The following ROBO2 variants were observed in gnomAD, a reference collection of about 807,000 sequenced individuals.
ROBO2 encodes the protein roundabout homolog 2.
In ROBO2, 53 loss-of-function variants were observed where a neutral mutation model predicts 160.8. That is an observed-to-expected ratio of 0.33 (90% confidence interval 0.26 to 0.41). The LOEUF (loss-of-function observed/expected upper bound fraction) is 0.41, where lower values mean the gene tolerates loss of function less well. Ranked by LOEUF, ROBO2 falls within the 10% of genes least tolerant of loss-of-function variation. The pLI is 1.00. For missense variants in ROBO2, 1,577 were observed against 1,722.4 expected (o/e 0.92, Z 1.49); for synonymous variants, 664 against 611.7 (o/e 1.09, Z -1.26).
rs559942306 is a variant in ROBO2 at position 76,967,036 on chromosome 3, G to A, written c.110-130978G>A. Among the ~76,000 whole-genome samples, 15 of 152,140 alleles carry A rather than the reference G, an allele frequency of 9.9e-5. 1 individual carries two copies. Among genetic ancestry groups the A allele is most frequent in the African/African-American group, 2.7e-4 (11 of 41,498 alleles). On this transcript the variant is annotated intron_variant, in intron 2 of 26. Coordinates refer to the ROBO2 transcript ENST00000487694. ...GCATCTATCGCAGGCCAGAGAGTTC[G>A]CTGGGCATATTGTATACAATCCCTC...
intron 2 of ROBO2, among the ~76,000 whole-genome samples, chr3:76,793,613 T>C (rs1442013160): frequency 1.3e-5 from 2 of 151,920 alleles, no homozygotes; most frequent in African/African-American, 4.8e-5. Flanking sequence ...TTTATTATTA[T>C]TATACTGTAA....
intron 2 of ROBO2, among the ~76,000 whole-genome samples, chr3:76,197,558 A>G (rs961245234): frequency 6.6e-6 from 1 of 152,130 alleles, no homozygotes; most frequent in African/African-American, 2.4e-5. Flanking sequence ...TTAGATTTGG[A>G]TCTGGGACTG....
intron 1 of ROBO2, among the ~76,000 whole-genome samples, chr3:77,084,584 C>T (rs1578824778): frequency 6.6e-6 from 1 of 152,008 alleles, no homozygotes; most frequent in African/African-American, 2.4e-5. Context: ...CATTGCATTT[C>T]GAGAGTGGCT....
At chr3:76,743,531 C>T (rs1216764265) in intron 2 of ROBO2, among the ~76,000 whole-genome samples, 1 of 151,924 alleles carries the variant, frequency 6.6e-6, no homozygotes, top group South Asian at 2.1e-4. Flanking sequence ...CAACTATAGA[C>T]ATATTTTTAA....
intron 2 of ROBO2, among the ~76,000 whole-genome samples, chr3:76,403,446 A>G (rs2077960928): frequency 6.6e-6 from 1 of 151,754 alleles, no homozygotes; most frequent in South Asian, 2.1e-4. Context: ...ATTCTGAACA[A>G]TAAAGACAGG....
At chr3:77,286,475 C>T (rs182452970) in intron 2 of ROBO2, among the ~76,000 whole-genome samples, 111 of 152,098 alleles carry the variant, frequency 7.3e-4, no homozygotes, top group Non-Finnish European at 1.3e-3. Flanking sequence ...AGGCTGGTCT[C>T]GAATTCCTGA....
chr3:75,969,972 G>T (rs185035651), intron 2 of ROBO2, among the ~76,000 whole-genome samples: 35 of 151,614 alleles, frequency 2.3e-4, no homozygotes, highest in African/African-American at 8.4e-4. Context: ...CCAATATCAA[G>T]GAGTTGTTTT....
chr3:77,497,991 T>TA lies in ROBO2; in HGVS notation c.806+4617dup, dbSNP rs201591667. On this transcript the variant is annotated intron_variant, in intron 5 of 25. Transcript: ENST00000461745. ...TTCAATTTAATATTAATGAGAATTTTAAAAAAAATCCCTCTCAGAACTTGG... is the reference window on the plus strand; with the variant it reads ...TTCAATTTAATATTAATGAGAATTTTAAAAAAAAATCCCTCTCAGAACTTGG... 5.4e-3 allele frequency among the ~76,000 whole-genome samples: 814 copies of TA among 152,002 alleles called. 4 individuals are homozygous for TA. The highest frequency in any genetic ancestry group is 9.5e-3 in the Non-Finnish European group (642 of 67,916).
At position 76,046,515 on chromosome 3, in the gene ROBO2, G is replaced by T. The variant is rs1335068397; in HGVS notation, c.109+108913G>T. ...ATACAAAAAATTAGCCGGGCGTGGT[G>T]GCAGCGCCTGCAGTCCCAGCTACTC... On this transcript the variant is annotated intron_variant, in intron 2 of 26. Coordinates refer to the ROBO2 transcript ENST00000487694. Among the ~76,000 whole-genome samples, 4 of 151,082 alleles carry T rather than the reference G, an allele frequency of 2.6e-5. No individual in the cohort carries two copies. In the South Asian group the frequency reaches 8.3e-4, roughly 31 times the overall value.
chr3:76,141,574 A>G (rs1299135013), intron 2 of ROBO2, among the ~76,000 whole-genome samples: 1 of 151,904 alleles, frequency 6.6e-6, no homozygotes, highest in Admixed American at 6.6e-5. Context: ...AAGCAAGTTA[A>G]GTTATATCCA....
intron 2 of ROBO2, among the ~76,000 whole-genome samples, chr3:76,674,064 A>C (rs2092341490): frequency 6.6e-6 from 1 of 152,060 alleles, no homozygotes; most frequent in South Asian, 2.1e-4. Flanking sequence ...ATTGTCATTC[A>C]TTTTATATAT....
At chr3:76,609,840 T>C (rs2087949090) in intron 2 of ROBO2, among the ~76,000 whole-genome samples, 1 of 152,232 alleles carries the variant, frequency 6.6e-6, no homozygotes, top group South Asian at 2.1e-4. Context: ...TTCAGTATGA[T>C]ACTAGCTGTG....
chr3:76,939,486 A>G (rs912862149), intron 2 of ROBO2, among the ~76,000 whole-genome samples: 1 of 152,168 alleles, frequency 6.6e-6, no homozygotes, highest in African/African-American at 2.4e-5. Context: ...AACAAAAAGC[A>G]GAGGTTTAAA....
intron 2 of ROBO2, among the ~76,000 whole-genome samples, chr3:77,430,142 G>C (rs764419715): frequency 6.6e-6 from 1 of 152,128 alleles, no homozygotes; most frequent in South Asian, 2.1e-4. Flanking sequence ...GATTTTTGGA[G>C]GATGAGGGCA....
At chr3:76,788,287 C>G (rs761893408) in intron 2 of ROBO2, among the ~76,000 whole-genome samples, 8 of 151,446 alleles carry the variant, frequency 5.3e-5, no homozygotes, top group Non-Finnish European at 8.9e-5. Flanking sequence ...ACAGCACATA[C>G]TCTAATAAAC....
In ROBO2 at chr3:77,048,561, T is replaced by C. The variant is rs75805242; in HGVS notation, c.61+7715T>C. On this transcript the variant is annotated intron_variant, in intron 1 of 25. Transcript: ENST00000461745. The stretch of plus-strand genomic sequence containing the variant: ...GGATAATTTTTACCTGGTGCTTTGA[T>C]ATAACGTACTGTGGAGATAAATCTT... Among the ~76,000 whole-genome samples, 4 of 152,352 alleles carry C rather than the reference T, an allele frequency of 2.6e-5. No individual in the cohort carries two copies. In the East Asian group the frequency reaches 5.8e-4, roughly 22 times the overall value.
intron 1 of ROBO2, among the ~76,000 whole-genome samples, chr3:75,920,699 A>C (rs142279622): frequency 6.6e-6 from 1 of 152,210 alleles, no homozygotes; most frequent in African/African-American, 2.4e-5. Context: ...TCATTTTATG[A>C]ATCCTGGTGC....
At chr3:77,479,157 G>T (rs956795880) in intron 3 of ROBO2, among the ~76,000 whole-genome samples, 1 of 152,168 alleles carries the variant, frequency 6.6e-6, no homozygotes, top group African/African-American at 2.4e-5. Context: ...CTGGCCTCTG[G>T]GAGAGGTGGT....
At chr3:76,529,709 T>C (rs1560099323) in intron 2 of ROBO2, among the ~76,000 whole-genome samples, 2 of 152,290 alleles carry the variant, frequency 1.3e-5, no homozygotes, top group East Asian at 3.9e-4. Flanking sequence ...TTGATCTTGA[T>C]AATTTAAGAT....
Sources: gnomAD v4.1 joint callset for allele counts (sites outside exome capture counted in the v4.1 genomes callset) on GRCh38, gnomAD v4.1.1 for gene constraint, MANE v1.5 for transcripts, NCBI Gene and HGNC (gene_info 2026-07-23, HGNC 2026-07-21) for gene names.